PCDH9: variants seen among roughly 807,000 people sequenced by gnomAD.
PCDH9 encodes the protein protocadherin 9.
A neutral mutation model predicts 70.6 loss-of-function variants in PCDH9; 24 were observed. The observed-to-expected ratio is 0.34, with a 90% CI of 0.25 to 0.48. The LOEUF (loss-of-function observed/expected upper bound fraction) is 0.48. Ranked by LOEUF, PCDH9 falls within the 20% of genes least tolerant of loss-of-function variation. The pLI is 0.99. For missense variants in PCDH9, 1,281 were observed against 1,503.6 expected (o/e 0.85, Z 2.45); for synonymous variants, 562 against 558.5 (o/e 1.01, Z -0.09).
intron 4 of PCDH9, among the ~76,000 whole-genome samples, chr13:66,497,624 A>G (rs1959136604): frequency 6.6e-6 from 1 of 152,122 alleles, no homozygotes; most frequent in African/African-American, 2.4e-5. Flanking sequence ...CTACATTTTA[A>G]TGATGAGAAA....
At chr13:66,789,605 T>C (rs1170951174) in intron 3 of PCDH9, among the ~76,000 whole-genome samples, 1 of 152,132 alleles carries the variant, frequency 6.6e-6, no homozygotes, top group Non-Finnish European at 1.5e-5. Flanking sequence ...AGATTATATA[T>C]ACTTTATGAC....
chr13:66,951,164 G>T (rs898322570), intron 2 of PCDH9, among the ~76,000 whole-genome samples: 1 of 151,960 alleles, frequency 6.6e-6, no homozygotes, highest in Non-Finnish European at 1.5e-5. Context: ...ATGACGAAAG[G>T]GTTTAAGTAC....
At chr13:66,622,954 A>T (rs2077446992) in intron 4 of PCDH9, among the ~76,000 whole-genome samples, 2 of 152,242 alleles carry the variant, frequency 1.3e-5, no homozygotes, top group South Asian at 4.2e-4. Context: ...ACGCACCGGG[A>T]GGAACGAACA....
At chr13:66,999,903 CCATTGTGGAAGT>C (rs983986417) in intron 2 of PCDH9, among the ~76,000 whole-genome samples, 4 of 152,128 alleles carry the variant, frequency 2.6e-5, no homozygotes, top group African/African-American at 9.7e-5. Context: ...ACTAGTTCAA[CCATTGTGGAAGT>C]CAGTGTGGCG....
chr13:66,875,927 C>T (rs901045146), intron 3 of PCDH9, among the ~76,000 whole-genome samples: 1 of 152,110 alleles, frequency 6.6e-6, no homozygotes, highest in African/African-American at 2.4e-5. Context: ...TGAAGTCCTA[C>T]CCTTCTCTTG....
rs148306908 is a variant in PCDH9 at position 66,662,290 on chromosome 13, T to C, written c.3139-30879A>G. 3.2e-3 allele frequency among the ~76,000 whole-genome samples: 491 copies of C among 152,076 alleles called. 1 individual carries two copies. The highest frequency in any genetic ancestry group is 0.011 in the African/African-American group (470 of 41,470). On this transcript the variant is annotated intron_variant, in intron 3 of 4. Transcript: ENST00000377865. The stretch of plus-strand genomic sequence containing the variant: ...GAGTTCGAGACCAGCCTGACCAACA[T>C]GGAGAAACCCCGTCTCTACTAAAAA...
intron 4 of PCDH9, among the ~76,000 whole-genome samples, chr13:66,585,625 A>C (rs973187674): frequency 6.6e-6 from 1 of 152,184 alleles, no homozygotes; most frequent in Non-Finnish European, 1.5e-5. Flanking sequence ...TCTTAAAAAT[A>C]GTTGCATTGT....
chr13:67,171,126 A>G (rs2088273847), intron 2 of PCDH9, among the ~76,000 whole-genome samples: 3 of 152,208 alleles, frequency 2.0e-5, no homozygotes. Flanking sequence ...AACTGGTGCC[A>G]TATTCTCATT....
chr13:66,748,407 A>G (rs1319270065), intron 3 of PCDH9, among the ~76,000 whole-genome samples: 1 of 152,246 alleles, frequency 6.6e-6, no homozygotes, highest in Non-Finnish European at 1.5e-5. Context: ...CAAATCAAAA[A>G]GGAAGGTTTA....
chr13:67,213,228 A>AAAAAAAAAAAG (rs1189498014), intron 2 of PCDH9: 2 of 110,646 alleles, frequency 1.8e-5, no homozygotes, highest in East Asian at 2.9e-4. Flanking sequence ...AAAAAAAAAA[A>AAAAAAAAAAAG]AAAAAAAAAA....
intron 4 of PCDH9, among the ~76,000 whole-genome samples, chr13:66,514,700 A>T (rs1290338363): frequency 6.6e-6 from 1 of 152,072 alleles, no homozygotes; most frequent in Non-Finnish European, 1.5e-5. Flanking sequence ...TTTAGTAAGC[A>T]TTCCGGATAC....
chr13:66,675,678 G>A (rs2078233071), intron 3 of PCDH9, among the ~76,000 whole-genome samples: 1 of 152,100 alleles, frequency 6.6e-6, no homozygotes, highest in South Asian at 2.1e-4. Flanking sequence ...CTTGTAGGAT[G>A]AGTAAGTAGT....
chr13:66,482,844 G>A (rs190642150), intron 4 of PCDH9, among the ~76,000 whole-genome samples: 2 of 152,072 alleles, frequency 1.3e-5, no homozygotes, highest in Admixed American at 6.5e-5. Context: ...AATCCAATCT[G>A]CATCACTGAG....
chr13:66,656,781 A>AT (rs1335738962), intron 3 of PCDH9, among the ~76,000 whole-genome samples: 1 of 152,166 alleles, frequency 6.6e-6, no homozygotes, highest in Non-Finnish European at 1.5e-5. Context: ...CAAGTTTGAA[A>AT]TTTTTTTATG....
chr13:66,730,370 G>A (rs1169166883), intron 3 of PCDH9, among the ~76,000 whole-genome samples: 1 of 152,132 alleles, frequency 6.6e-6, no homozygotes, highest in Non-Finnish European at 1.5e-5. Context: ...GTGACGAAAT[G>A]TGGTCAACAA....
chr13:66,962,574 T>C (rs1422514859), intron 2 of PCDH9, among the ~76,000 whole-genome samples: 1 of 152,246 alleles, frequency 6.6e-6, no homozygotes, highest in Non-Finnish European at 1.5e-5. Context: ...CTAGTGTTAC[T>C]GTAGTAAATA....
intron 4 of PCDH9, among the ~76,000 whole-genome samples, chr13:66,546,967 C>G (rs1165774450): frequency 6.6e-6 from 1 of 152,164 alleles, no homozygotes; most frequent in Non-Finnish European, 1.5e-5. Flanking sequence ...TGTCTGTAAC[C>G]TAGACCATCT....
chr13:66,808,042 T>C (rs1198343710), intron 3 of PCDH9, among the ~76,000 whole-genome samples: 1 of 152,134 alleles, frequency 6.6e-6, no homozygotes, highest in South Asian at 2.1e-4. Flanking sequence ...CATCTGTGCT[T>C]AGGAGTGTTT....
At chr13:66,979,250 A>G (rs1292976900) in intron 2 of PCDH9, among the ~76,000 whole-genome samples, 3 of 152,136 alleles carry the variant, frequency 2.0e-5, no homozygotes, top group Admixed American at 2.0e-4. Flanking sequence ...AAACCTTCTC[A>G]TAATTATGTT....
Sources: gnomAD v4.1 joint callset for allele counts (sites outside exome capture counted in the v4.1 genomes callset) on GRCh38, gnomAD v4.1.1 for gene constraint, MANE v1.5 for transcripts, NCBI Gene and HGNC (gene_info 2026-07-23, HGNC 2026-07-21) for gene names.